Variants in SYN2 observed in about 807,000 individuals in gnomAD.
SYN2 encodes the protein synapsin-2.
Under a neutral mutation model 50.9 loss-of-function variants are expected in SYN2, and 19 were observed. That is an observed-to-expected ratio of 0.37 (90% CI 0.26 to 0.55). The LOEUF (loss-of-function observed/expected upper bound fraction) is 0.55, where lower values mean the gene tolerates loss of function less well. Among genes scored for constraint, SYN2 ranks in the 20% least tolerant of loss-of-function variants. The pLI is 0.81. For missense variants in SYN2, 587 were observed against 576.4 expected, an observed-to-expected ratio of 1.02 and a Z score of -0.19; for synonymous variants, 255 against 224.9, an observed-to-expected ratio of 1.13 and a Z score of -1.20.
At chr3:12,135,008 C>T (rs1284725371) in intron 1 of SYN2, among the ~76,000 whole-genome samples, 1 of 152,216 alleles carries the variant, frequency 6.6e-6, no homozygotes, top group African/African-American at 2.4e-5. Context: ...GCGTTTCTTT[C>T]TACAAGTTGC....
At chr3:12,125,878 A>G (rs1428594698) in intron 1 of SYN2, among the ~76,000 whole-genome samples, 2 of 151,538 alleles carry the variant, frequency 1.3e-5, no homozygotes, top group Non-Finnish European at 2.9e-5. Flanking sequence ...ACACAAAAAA[A>G]CTGAGAAATT....
chr3:12,087,593 G>GAA, intron 1 of SYN2, among the ~76,000 whole-genome samples: 1 of 148,690 alleles, frequency 6.7e-6, no homozygotes, highest in African/African-American at 2.5e-5. Context: ...TACAAAAAAG[G>GAA]AAAAAAAAAA....
intron 1 of SYN2, among the ~76,000 whole-genome samples, chr3:12,098,570 GTAAA>G (rs1445897900): frequency 6.6e-6 from 1 of 151,782 alleles, no homozygotes; most frequent in Non-Finnish European, 1.5e-5. Flanking sequence ...TTTAAAAAAA[GTAAA>G]TAAATGACAA....
At chr3:12,021,948 T>C (rs143751325) in intron 1 of SYN2, among the ~76,000 whole-genome samples, 3 of 152,134 alleles carry the variant, frequency 2.0e-5, no homozygotes, top group Non-Finnish European at 4.4e-5. Flanking sequence ...TGTGCACCTG[T>C]AATCTCAGCT....
intron 5 of SYN2, chr3:12,153,506 T>C: frequency 6.2e-7 from 1 of 1,612,876 alleles, no homozygotes; most frequent in Non-Finnish European, 8.5e-7. Context: ...TGATGGTCAC[T>C]GGTCCCTACT....
chr3:12,138,412 A>G (rs1313082378), intron 1 of SYN2, among the ~76,000 whole-genome samples: 2 of 152,242 alleles, frequency 1.3e-5, no homozygotes, highest in African/African-American at 2.4e-5. Context: ...AGGAAGTGGC[A>G]GATAAACCCA....
chr3:12,167,267 C>T lies in SYN2; in HGVS notation c.1014C>T (p.Asn338=), dbSNP rs1184634915. Residue 338 remains asparagine (N), a synonymous_variant, in exon 8 of 13, where the codon AAC becomes AAT. Transcript: ENST00000621198. ...CGATCTCAGGGAACTGGAAGACGAA[C>T]ACTGGCTCTGCGATGCTGGAGCAGA... ...RTSISGNWKT[N]TGSAMLEQIA... is the part of the protein sequence containing the mutation. 6.2e-7 allele frequency: 1 copy of T among 1,613,120 alleles called. No individual in the cohort carries two copies. Among genetic ancestry groups the T allele is most frequent in the Admixed American group, 1.7e-5 (1 of 59,904 alleles).
At chr3:12,076,860 AT>A (rs1695478495) in intron 1 of SYN2, among the ~76,000 whole-genome samples, 1 of 152,148 alleles carries the variant, frequency 6.6e-6, no homozygotes, top group Non-Finnish European at 1.5e-5. Context: ...AGATTACAAC[AT>A]GTCAAATGCC....
chr3:12,020,103 C>A (rs1294127655), intron 1 of SYN2, among the ~76,000 whole-genome samples: 1 of 152,184 alleles, frequency 6.6e-6, no homozygotes, highest in Non-Finnish European at 1.5e-5. Flanking sequence ...TATAATACTT[C>A]TATGACTTAG....
chr3:12,058,551 A>G (rs985423773), intron 1 of SYN2, among the ~76,000 whole-genome samples: 1 of 152,232 alleles, frequency 6.6e-6, no homozygotes, highest in Non-Finnish European at 1.5e-5. Flanking sequence ...TTACTCTAGT[A>G]TCAGCTCTTC....
At chr3:12,108,639 C>T (rs1331209085) in intron 1 of SYN2, among the ~76,000 whole-genome samples, 4 of 151,940 alleles carry the variant, frequency 2.6e-5, no homozygotes, top group African/African-American at 9.7e-5. Context: ...TTTGTAAAGG[C>T]CTTTTAATTC....
Position 12,155,579 on chromosome 3 carries a change from A to T in SYN2, c.774+4253A>T, listed in dbSNP as rs559536069. The stretch of plus-strand genomic sequence containing the variant: ...TGGGAAAGTGAGGGGCTGGGAACTG[A>T]TATTGACAAAGCTAGAGAGGGCAGC... On this transcript the variant is annotated intron_variant, in intron 5 of 12. Coordinates refer to ENST00000621198, the MANE Select transcript of SYN2 (RefSeq NM_133625.6). Among the ~76,000 whole-genome samples, 7 of 152,308 alleles carry T rather than the reference A, an allele frequency of 4.6e-5. 1 individual carries two copies. In the East Asian group the frequency reaches 1.2e-3, roughly 25 times the overall value.
chr3:12,132,061 A>T, intron 1 of SYN2, among the ~76,000 whole-genome samples: 1 of 126,686 alleles, frequency 7.9e-6, no homozygotes, highest in Non-Finnish European at 1.6e-5. Context: ...TTTTTGAGAC[A>T]GGGTTTCACC....
intron 5 of SYN2, among the ~76,000 whole-genome samples, chr3:12,158,308 C>T (rs762602677): frequency 3.9e-5 from 6 of 152,156 alleles, no homozygotes; most frequent in African/African-American, 4.8e-5. Context: ...GGCTTGGTGG[C>T]AACCTCAGTT....
At chr3:12,120,496 G>C (rs753406548) in intron 1 of SYN2, among the ~76,000 whole-genome samples, 3 of 152,156 alleles carry the variant, frequency 2.0e-5, no homozygotes, top group Non-Finnish European at 4.4e-5. Context: ...GTGCCAAGAA[G>C]GATAGGGAGA....
At chr3:12,058,108 A>T (rs1237690789) in intron 1 of SYN2, among the ~76,000 whole-genome samples, 1 of 152,194 alleles carries the variant, frequency 6.6e-6, no homozygotes, top group East Asian at 1.9e-4. Context: ...TAAGTTTCTT[A>T]CCTACAATGT....
At chr3:12,186,619 T>A (rs1698345761) in intron 11 of SYN2, among the ~76,000 whole-genome samples, 1 of 152,168 alleles carries the variant, frequency 6.6e-6, no homozygotes, top group Admixed American at 6.5e-5. Flanking sequence ...CTAGGAAGAA[T>A]GGATTTCTCC....
intron 1 of SYN2, among the ~76,000 whole-genome samples, chr3:12,036,543 C>A (rs767478196): frequency 6.6e-6 from 1 of 152,096 alleles, no homozygotes; most frequent in East Asian, 1.9e-4. Flanking sequence ...GGAGCAGTGT[C>A]CTAATGAAAC....
At chr3:12,090,909 A>G (rs1695811288) in intron 1 of SYN2, among the ~76,000 whole-genome samples, 2 of 152,186 alleles carry the variant, frequency 1.3e-5, no homozygotes, top group Non-Finnish European at 2.9e-5. Context: ...GATGTATTTA[A>G]AATGTTATAA....
Sources: allele counts gnomAD v4.1 joint callset (sites outside exome capture counted in the v4.1 genomes callset), GRCh38; gene constraint gnomAD v4.1.1; transcripts MANE v1.5; gene names NCBI Gene and HGNC (gene_info 2026-07-23, HGNC 2026-07-21).